TPTE2: variants seen among roughly 807,000 people sequenced by gnomAD.
The protein encoded by TPTE2 is phosphatidylinositol 3,4,5-trisphosphate 3-phosphatase TPTE2.
In TPTE2, 53 loss-of-function variants were observed where a neutral mutation model predicts 78.6. That is an observed-to-expected ratio of 0.67 (90% CI 0.54 to 0.85). The LOEUF is 0.85. Ranked by LOEUF, TPTE2 falls within the 40% of genes least tolerant of loss-of-function variation. The pLI is 0.00. For missense variants in TPTE2, 461 were observed against 623.0 expected (o/e 0.74, Z 2.77); for synonymous variants, 175 against 206.2 (o/e 0.85, Z 1.30).
At chr13:19,466,413 G>A (rs1404062827) in intron 7 of TPTE2, among the ~76,000 whole-genome samples, 3 of 152,146 alleles carry the variant, frequency 2.0e-5, no homozygotes, top group Non-Finnish European at 4.4e-5. Flanking sequence ...CTGTAGTCCA[G>A]GGAAGCTAGG....
At chr13:19,545,347 G>A in the TPTE2 span, among the ~76,000 whole-genome samples, 1 of 152,170 alleles carries the variant, frequency 6.6e-6, no homozygotes, top group African/African-American at 2.4e-5. Context: ...GACCTCCCAT[G>A]TCCCATCTCC....
rs561538753 is a variant in TPTE2, at chr13:19,495,368, T to G, written c.12-1867A>C. 4.2e-4 allele frequency among the ~76,000 whole-genome samples: 64 copies of G among 152,290 alleles called. 1 individual carries two copies. The highest frequency in any genetic ancestry group is 1.4e-3 in the African/African-American group (59 of 41,564). ...TTTCTGATCTTTGTCCACTCCTATC[T>G]CCTTCTCGCTGCAAGCAGGATTCGC... On this transcript the variant is annotated intron_variant, in intron 1 of 19. Coordinates refer to ENST00000400230, the Ensembl canonical transcript of TPTE2.
chr13:19,494,406 TTTC>T (rs1003604110), intron 1 of TPTE2, among the ~76,000 whole-genome samples: 2 of 152,156 alleles, frequency 1.3e-5, no homozygotes, highest in African/African-American at 4.8e-5. Flanking sequence ...TCTTTTGTTT[TTTC>T]TTTTTTTTCT....
intron 1 of TPTE2, among the ~76,000 whole-genome samples, chr13:19,527,013 C>G (rs1178327213): frequency 6.6e-6 from 1 of 152,026 alleles, no homozygotes; most frequent in Non-Finnish European, 1.5e-5. Flanking sequence ...GTGGAATAAA[C>G]ATTAAAAAAA....
At chr13:19,551,849 G>C in the TPTE2 span, among the ~76,000 whole-genome samples, 1 of 151,996 alleles carries the variant, frequency 6.6e-6, no homozygotes, top group African/African-American at 2.4e-5. Context: ...ACTTATTCAG[G>C]CTCTTCCAAC....
At chr13:19,538,710 T>G (rs1290446079), upstream of TPTE2, among the ~76,000 whole-genome samples, 1 of 151,766 alleles carries the variant, frequency 6.6e-6, no homozygotes, top group Non-Finnish European at 1.5e-5. Context: ...GGAGACAGGG[T>G]TTCACCATGT....
intron 13 of TPTE2, among the ~76,000 whole-genome samples, chr13:19,438,886 AG>A (rs1375921894): frequency 1.3e-5 from 2 of 152,212 alleles, no homozygotes; most frequent in African/African-American, 4.8e-5. Context: ...GTGAAGCCTC[AG>A]GGTGTGAGAG....
chr13:19,466,285 T>C (rs1177265901), intron 7 of TPTE2, among the ~76,000 whole-genome samples: 1 of 152,222 alleles, frequency 6.6e-6, no homozygotes, highest in Non-Finnish European at 1.5e-5. Context: ...TCTTCTTATA[T>C]TTCTAGCAAG....
At chr13:19,544,340 C>T in the TPTE2 span, among the ~76,000 whole-genome samples, 5 of 151,754 alleles carry the variant, frequency 3.3e-5, no homozygotes, top group African/African-American at 7.3e-5. Context: ...TATAAGATAA[C>T]GTAGATCAAC....
intron 9 of TPTE2, 71 bp downstream of exon 12, chr13:19,465,184 T>A: frequency 1.9e-6 from 3 of 1,586,234 alleles, no homozygotes. Flanking sequence ...GTGTCTTAGA[T>A]GAGGCAAAAA....
chr13:19,443,225 G>T (rs1360691046), intron 13 of TPTE2, among the ~76,000 whole-genome samples: 1 of 151,342 alleles, frequency 6.6e-6, no homozygotes, highest in Non-Finnish European at 1.5e-5. Flanking sequence ...CCAGAAACAT[G>T]TTGGTTTACC....
chr13:19,490,101 G>A (rs1880913861), intron 3 of TPTE2, among the ~76,000 whole-genome samples: 1 of 152,012 alleles, frequency 6.6e-6, no homozygotes, highest in Non-Finnish European at 1.5e-5. Flanking sequence ...AGGTGCTCTT[G>A]GGCCTTAACA....
upstream of TPTE2, among the ~76,000 whole-genome samples, chr13:19,506,500 A>G (rs981109673): frequency 6.6e-6 from 1 of 152,074 alleles, no homozygotes; most frequent in Non-Finnish European, 1.5e-5. Context: ...CTCACATTTC[A>G]TGGGTGGCTC....
At chr13:19,432,944 A>G (rs531050264) in intron 15 of TPTE2, among the ~76,000 whole-genome samples, 1 of 152,286 alleles carries the variant, frequency 6.6e-6, no homozygotes, top group South Asian at 2.1e-4. Flanking sequence ...TTTGGTGAAG[A>G]GCAGCTTCCT....
chr13:19,505,467 C>T (rs1346859636), upstream of TPTE2, among the ~76,000 whole-genome samples: 7 of 152,022 alleles, frequency 4.6e-5, no homozygotes, highest in African/African-American at 1.7e-4. Context: ...AATGTAACTG[C>T]AGTCTGTAAG....
intron 1 of TPTE2, among the ~76,000 whole-genome samples, chr13:19,500,682 A>T (rs1868448990): frequency 6.6e-6 from 1 of 151,652 alleles, no homozygotes; most frequent in African/African-American, 2.4e-5. Context: ...TGACAAACCC[A>T]CAGCCAATAT....
At chr13:19,485,473 T>TA (rs1039757833) in intron 3 of TPTE2, among the ~76,000 whole-genome samples, 111 of 152,272 alleles carry the variant, frequency 7.3e-4, no homozygotes, top group African/African-American at 2.5e-3. Context: ...CTTGCTATTT[T>TA]AAAAAATCTT....
intron 1 of TPTE2, among the ~76,000 whole-genome samples, chr13:19,494,327 A>G (rs1240184293): frequency 6.6e-6 from 1 of 152,254 alleles, no homozygotes; most frequent in Non-Finnish European, 1.5e-5. Context: ...ATTATCGTGA[A>G]CACATCTAAG....
At chr13:19,447,299 C>T (rs2137522094) in intron 13 of TPTE2, among the ~76,000 whole-genome samples, 1 of 152,146 alleles carries the variant, frequency 6.6e-6, no homozygotes, top group East Asian at 1.9e-4. Context: ...GAAAAAAAGT[C>T]AAATTTGAAA....
Sources: gnomAD v4.1 joint callset for allele counts (sites outside exome capture counted in the v4.1 genomes callset) on GRCh38, gnomAD v4.1.1 for gene constraint, MANE v1.5 for transcripts, NCBI Gene and HGNC (gene_info 2026-07-23, HGNC 2026-07-21) for gene names.